The following SH3D19 variants were observed in gnomAD, a reference collection of about 807,000 sequenced individuals.
The protein encoded by SH3D19 is SH3 domain containing 19.
In SH3D19, 58 loss-of-function variants were observed where a neutral mutation model predicts 112.1. That is an observed-to-expected ratio of 0.52 (90% CI 0.42 to 0.64). The LOEUF (loss-of-function observed/expected upper bound fraction) is 0.64. SH3D19 is among the 30% of genes least tolerant of loss of function. SH3D19 has a pLI of 0.00. For missense variants in SH3D19, 1,090 were observed against 1,263.4 expected (o/e 0.86, Z 2.08); for synonymous variants, 391 against 448.5 (o/e 0.87, Z 1.62).
At chr4:151,295,445 C>G (rs1775636501) in intron 1 of SH3D19, among the ~76,000 whole-genome samples, 1 of 152,226 alleles carries the variant, frequency 6.6e-6, no homozygotes, top group African/African-American at 2.4e-5. Context: ...TATTCTTTAT[C>G]TGCACTGTCC....
chr4:151,307,735 A>G (rs140423559), intron 1 of SH3D19, among the ~76,000 whole-genome samples: 1,608 of 152,366 alleles, frequency 0.011, 32 homozygotes, highest in African/African-American at 0.036. Flanking sequence ...CTCAGGACTA[A>G]CAAAGAAACA....
chr4:151,259,152 C>T (rs142149325), intron 1 of SH3D19, among the ~76,000 whole-genome samples: 155 of 152,238 alleles, frequency 1.0e-3, no homozygotes, highest in African/African-American at 3.7e-3. Context: ...TTGTCTCACT[C>T]TGTCTTCCCC....
chr4:151,179,865 T>C (rs186741732), intron 3 of SH3D19, among the ~76,000 whole-genome samples: 14 of 152,330 alleles, frequency 9.2e-5, no homozygotes, highest in Non-Finnish European at 1.5e-5. Flanking sequence ...ATCTGACATT[T>C]TATAACCTTT....
At chr4:151,156,584 T>G (rs997657947) in intron 9 of SH3D19, among the ~76,000 whole-genome samples, 1 of 152,164 alleles carries the variant, frequency 6.6e-6, no homozygotes, top group African/African-American at 2.4e-5. Flanking sequence ...AAGCACAGTC[T>G]CTTCAATAAA....
intron 2 of SH3D19, among the ~76,000 whole-genome samples, chr4:151,192,424 G>C (rs1653172425): frequency 1.3e-5 from 2 of 152,264 alleles, no homozygotes; most frequent in East Asian, 1.9e-4. Context: ...ACGTATCAGA[G>C]TCTCAAGATA....
At chr4:151,133,314 A>G (rs1751136716) in intron 15 of SH3D19, 78 bp from the exon 16 acceptor site, 2 of 1,162,668 alleles carry the variant, frequency 1.7e-6, no homozygotes, top group African/African-American at 1.5e-5. Context: ...CAGTCTTTCA[A>G]TAAATATTTA....
At chr4:151,199,008 C>T (rs1763992844) in intron 2 of SH3D19, among the ~76,000 whole-genome samples, 2 of 137,526 alleles carry the variant, frequency 1.5e-5, no homozygotes, top group African/African-American at 2.6e-5. Flanking sequence ...GCCTTCCCAC[C>T]AGCTAACATC....
intron 1 of SH3D19, among the ~76,000 whole-genome samples, chr4:151,277,503 T>C (rs554409486): frequency 1.3e-5 from 2 of 152,142 alleles, no homozygotes; most frequent in East Asian, 1.9e-4. Context: ...AGGTAATAAG[T>C]ACTATGAAAG....
At chr4:151,282,437 T>C (rs564834026) in intron 1 of SH3D19, 1 of 1,611,476 alleles carries the variant, frequency 6.2e-7, no homozygotes, top group Admixed American at 1.7e-5. Context: ...GAGAGAAGGG[T>C]TGTTTCATAT....
At chr4:151,313,399 T>TTATG (rs1554070780) in intron 1 of SH3D19, among the ~76,000 whole-genome samples, 10 of 142,314 alleles carry the variant, frequency 7.0e-5, no homozygotes, top group South Asian at 6.7e-4. Flanking sequence ...TCTGCATATT[T>TTATG]TATGTATTTA....
chr4:151,273,273 C>T (rs1373733164), intron 1 of SH3D19, among the ~76,000 whole-genome samples: 3 of 152,070 alleles, frequency 2.0e-5, no homozygotes, highest in Admixed American at 2.0e-4. Flanking sequence ...TAAGCCAGTA[C>T]TTCCGATTTG....
rs10714871 is a variant in SH3D19, at chr4:151,150,958, C to CTT, written c.1756-1399_1756-1398dup. 9.3e-4 allele frequency among the ~76,000 whole-genome samples: 103 copies of CTT among 110,876 alleles called. 1 individual carries two copies. Among genetic ancestry groups the CTT allele is most frequent in the African/African-American group, 2.4e-3 (65 of 27,208 alleles). The allele number at this position is 110,876 out of a possible 152,430, so 72.7% of individuals were successfully genotyped here. A position where few individuals can be genotyped will look rare whatever the true frequency, so the allele number is the denominator to read the frequency against. ...AGGGGGAAAAAGCCCTCACAAAATT[C>CTT]TTTTTTTTTTTTTTTTTTTGGAGAC... On this transcript the variant is annotated intron_variant, in intron 9 of 19. Coordinates refer to ENST00000604030, the MANE Select transcript of SH3D19 (RefSeq NM_001378122.1).
At chr4:151,201,004 G>C (rs1764320497) in intron 2 of SH3D19, among the ~76,000 whole-genome samples, 1 of 152,156 alleles carries the variant, frequency 6.6e-6, no homozygotes, top group East Asian at 1.9e-4. Context: ...GATTCTAAGA[G>C]GTAAAGAATT....
At chr4:151,188,920 G>C (rs1217613773) in intron 2 of SH3D19, among the ~76,000 whole-genome samples, 2 of 152,034 alleles carry the variant, frequency 1.3e-5, no homozygotes, top group Non-Finnish European at 2.9e-5. Flanking sequence ...CAACATAACT[G>C]GTTTCTTAGA....
At chr4:151,232,052 C>T (rs150003687) in intron 1 of SH3D19, among the ~76,000 whole-genome samples, 3,037 of 152,206 alleles carry the variant, frequency 0.02, 59 homozygotes, top group Middle Eastern at 0.034. Flanking sequence ...GACATGGTGG[C>T]GCACACCTGT....
intron 1 of SH3D19, among the ~76,000 whole-genome samples, chr4:151,244,925 C>CG (rs1770819316): frequency 6.6e-6 from 1 of 151,878 alleles, no homozygotes; most frequent in Non-Finnish European, 1.5e-5. Flanking sequence ...GGGCAGATCA[C>CG]GAGGTCAGGA....
chr4:151,238,580 CAA>C (rs1328847556), intron 1 of SH3D19, among the ~76,000 whole-genome samples: 1 of 151,948 alleles, frequency 6.6e-6, no homozygotes, highest in Non-Finnish European at 1.5e-5. Context: ...CTGCTGTAAC[CAA>C]AAGACTCCTT....
chr4:151,253,113 G>T (rs1771535935), intron 1 of SH3D19, among the ~76,000 whole-genome samples: 1 of 152,154 alleles, frequency 6.6e-6, no homozygotes, highest in Non-Finnish European at 1.5e-5. Context: ...ATACTACTAA[G>T]AATAAAAACC....
At chr4:151,235,943 A>T (rs1769999726) in intron 1 of SH3D19, among the ~76,000 whole-genome samples, 1 of 152,234 alleles carries the variant, frequency 6.6e-6, no homozygotes, top group African/African-American at 2.4e-5. Flanking sequence ...GTCCAGCACC[A>T]GGCCTGACCC....
Sources: allele counts gnomAD v4.1 joint callset (sites outside exome capture counted in the v4.1 genomes callset), GRCh38; gene constraint gnomAD v4.1.1; transcripts MANE v1.5; gene names NCBI Gene and HGNC (gene_info 2026-07-23, HGNC 2026-07-21).